The following CAMTA1 variants were observed in gnomAD, a reference collection of about 807,000 sequenced individuals.
CAMTA1 encodes the protein calmodulin binding transcription activator 1, also known as calmodulin-binding transcription activator 1.
In CAMTA1, 27 loss-of-function variants were observed where a neutral mutation model predicts 170.9. The observed-to-expected ratio is 0.16, with a 90% CI of 0.12 to 0.22. The LOEUF (loss-of-function observed/expected upper bound fraction) is 0.22, where lower values mean the gene tolerates loss of function less well. Ranked by LOEUF, CAMTA1 falls within the 10% of genes least tolerant of loss-of-function variation. The probability of loss-of-function intolerance (pLI) is 1.00; values close to 1 mark genes in which losing one functional copy is unlikely to be tolerated. For missense variants in CAMTA1, 1,619 were observed against 2,217.2 expected, an observed-to-expected ratio of 0.73 and a Z score of 5.42; for synonymous variants, 833 against 891.5, an observed-to-expected ratio of 0.93 and a Z score of 1.17.
At position 7,347,052 on chromosome 1, in the gene CAMTA1, T is replaced by C. The variant is rs373103267; in HGVS notation, c.438+97426T>C. Among the ~76,000 whole-genome samples the C allele has an allele frequency of 2.6e-5, 4 of 152,206 alleles. No individual in the cohort carries two copies. The South Asian group carries it at 8.3e-4, about 32-fold the overall frequency. On this transcript the variant is annotated intron_variant, in intron 5 of 22. Coordinates refer to ENST00000303635, the MANE Select transcript of CAMTA1 (RefSeq NM_015215.4). ...AGCCTCTGAAAGAGCCAAATGTTCCTCTCCAAACTCCGTAGCAATAGATGG... is the reference window on the plus strand; with the variant it reads ...AGCCTCTGAAAGAGCCAAATGTTCCCCTCCAAACTCCGTAGCAATAGATGG...
At chr1:7,029,363 G>A (rs745561961) in intron 3 of CAMTA1, among the ~76,000 whole-genome samples, 10 of 151,852 alleles carry the variant, frequency 6.6e-5, no homozygotes, top group East Asian at 3.9e-4. Flanking sequence ...TTAGCTGGGC[G>A]TGGTGGCGGG....
At chr1:7,643,848 C>A (rs1300114250) in intron 7 of CAMTA1, among the ~76,000 whole-genome samples, 2 of 151,918 alleles carry the variant, frequency 1.3e-5, no homozygotes, top group African/African-American at 4.9e-5. Flanking sequence ...GGAGAAGGCG[C>A]AGATGACGAT....
chr1:7,033,448 T>C (rs1186360588), intron 3 of CAMTA1, among the ~76,000 whole-genome samples: 3 of 152,102 alleles, frequency 2.0e-5, no homozygotes, highest in African/African-American at 7.2e-5. Context: ...TAATTTCTGG[T>C]TTGGTTGTGA....
intron 6 of CAMTA1, among the ~76,000 whole-genome samples, chr1:7,551,100 CACAGGGAGGGAAGCACCACGAGG>C (rs1557901374): frequency 6.6e-6 from 1 of 152,016 alleles, no homozygotes; most frequent in African/African-American, 2.4e-5. Context: ...CCTTCACCCT[CACAGGGAGGGAAGCACCACGAGG>C]TTACTCACTA....
chr1:7,135,939 C>T (rs1425361489), intron 4 of CAMTA1, among the ~76,000 whole-genome samples: 2 of 152,182 alleles, frequency 1.3e-5, no homozygotes, highest in African/African-American at 2.4e-5. Flanking sequence ...AAATCCAATA[C>T]ACCTCTATGG....
rs2094819076 is a variant in CAMTA1, at chr1:7,552,669, A to T, written c.510+84768A>T. On this transcript the variant is annotated intron_variant, in intron 6 of 22. Transcript: ENST00000303635. ...TTGCTCATTAAACTGAAAGCAGGGG[A>T]GGACTGGCTCTCCTGCTTCCTGTCC... is the stretch of plus-strand genomic sequence containing the variant. Among the ~76,000 whole-genome samples, 4 of 152,156 alleles carry T rather than the reference A, an allele frequency of 2.6e-5. No homozygotes were observed. In the South Asian group the frequency reaches 8.3e-4, roughly 32 times the overall value.
At chr1:7,111,671 G>C (rs921964138) in intron 4 of CAMTA1, among the ~76,000 whole-genome samples, 2 of 152,108 alleles carry the variant, frequency 1.3e-5, no homozygotes, top group African/African-American at 4.8e-5. Flanking sequence ...AGATCACGAG[G>C]TCAGGAGATC....
intron 6 of CAMTA1, among the ~76,000 whole-genome samples, chr1:7,629,941 C>T (rs543665971): frequency 2.0e-4 from 31 of 152,292 alleles, no homozygotes; most frequent in African/African-American, 7.2e-4. Context: ...CTGAGCCTCT[C>T]GCCCTGCACG....
chr1:7,493,997 CG>C (rs1323990145), intron 6 of CAMTA1, among the ~76,000 whole-genome samples: 1 of 152,084 alleles, frequency 6.6e-6, no homozygotes, highest in Non-Finnish European at 1.5e-5. Context: ...GGAGGGCTAG[CG>C]GGGTAATTTA....
At chr1:7,625,270 T>A (rs934710162) in intron 6 of CAMTA1, among the ~76,000 whole-genome samples, 2 of 152,166 alleles carry the variant, frequency 1.3e-5, no homozygotes, top group African/African-American at 4.8e-5. Flanking sequence ...GAGGGGAGAC[T>A]GGGGCGGTGG....
intron 6 of CAMTA1, among the ~76,000 whole-genome samples, chr1:7,544,766 T>C (rs2094667169): frequency 1.3e-5 from 2 of 152,154 alleles, no homozygotes; most frequent in South Asian, 4.1e-4. Context: ...CCACTCATGG[T>C]GGAAGGTGGG....
intron 4 of CAMTA1, among the ~76,000 whole-genome samples, chr1:7,114,649 C>A: frequency 6.6e-6 from 1 of 152,204 alleles, no homozygotes; most frequent in East Asian, 1.9e-4. Context: ...CCAAAATCTG[C>A]AGTCAGCAAG....
rs539878551 is a variant in CAMTA1, at chr1:6,789,845, C to G, written c.45+4270C>G. Among the ~76,000 whole-genome samples, 3 of 124,472 alleles carry G rather than the reference C, an allele frequency of 2.4e-5. No homozygotes were observed. In the South Asian group the frequency reaches 8.5e-4, roughly 35 times the overall value. The allele number at this position is 124,472 out of a possible 152,430, so 81.7% of individuals were successfully genotyped here. A position where few individuals can be genotyped will look rare whatever the true frequency, so the allele number is the denominator to read the frequency against. ...TTTTTTTTTGAGACAGAGTCTCACT[C>G]TATTGCCCAGGCTGGAGTGCAGTGG... is the stretch of plus-strand genomic sequence containing the variant. On this transcript the variant is annotated intron_variant, in intron 1 of 22. Coordinates refer to ENST00000303635, the MANE Select transcript of CAMTA1 (RefSeq NM_015215.4).
intron 5 of CAMTA1, among the ~76,000 whole-genome samples, chr1:7,301,199 A>G (rs1557471530): frequency 6.6e-6 from 1 of 152,232 alleles, no homozygotes; most frequent in Non-Finnish European, 1.5e-5. Context: ...CATTCTTTGC[A>G]TATTATGGGT....
intron 3 of CAMTA1, among the ~76,000 whole-genome samples, chr1:6,890,406 C>T (rs975832166): frequency 6.6e-6 from 1 of 152,144 alleles, no homozygotes; most frequent in South Asian, 2.1e-4. Flanking sequence ...CATGTCACTT[C>T]CTGGGTTAAG....
intron 3 of CAMTA1, among the ~76,000 whole-genome samples, chr1:6,903,361 A>G (rs1427049336): frequency 6.6e-6 from 1 of 152,234 alleles, no homozygotes; most frequent in Non-Finnish European, 1.5e-5. Context: ...CATCCAGCAG[A>G]TGAAGATCTA....
At chr1:7,473,970 C>T (rs981612259) in intron 6 of CAMTA1, among the ~76,000 whole-genome samples, 1 of 152,252 alleles carries the variant, frequency 6.6e-6, no homozygotes, top group African/African-American at 2.4e-5. Flanking sequence ...AGGCATCCTG[C>T]AGGGTCCCTG....
At chr1:7,703,870 G>A (rs890019711) in intron 11 of CAMTA1, among the ~76,000 whole-genome samples, 1 of 152,124 alleles carries the variant, frequency 6.6e-6, no homozygotes, top group African/African-American at 2.4e-5. Context: ...TGTGGCCGGG[G>A]CGAGAGACCC....
chr1:7,020,229 ACTG>A (rs1299351421), intron 3 of CAMTA1, among the ~76,000 whole-genome samples: 2 of 152,274 alleles, frequency 1.3e-5, no homozygotes, highest in African/African-American at 4.8e-5. Context: ...TTGGTCAACA[ACTG>A]ATTGCATATA....
Sources: gnomAD v4.1 joint callset for allele counts (sites outside exome capture counted in the v4.1 genomes callset) on GRCh38, gnomAD v4.1.1 for gene constraint, MANE v1.5 for transcripts, NCBI Gene and HGNC (gene_info 2026-07-23, HGNC 2026-07-21) for gene names.